The following IFNAR1 variants were observed in gnomAD, a reference collection of about 807,000 sequenced individuals.
The protein encoded by IFNAR1 is interferon alpha/beta receptor 1.
A neutral mutation model predicts 62.1 loss-of-function variants in IFNAR1; 47 were observed. The ratio of observed to expected loss-of-function variants is 0.76; its 90% CI spans 0.60 to 0.97. The LOEUF (loss-of-function observed/expected upper bound fraction) is 0.97, where lower values mean the gene tolerates loss of function less well. Among genes scored for constraint, IFNAR1 ranks in the 50% least tolerant of loss-of-function variants. The pLI is 0.00. For missense variants in IFNAR1, 638 were observed against 654.5 expected (o/e 0.97, Z 0.27); for synonymous variants, 219 against 226.9 (o/e 0.97, Z 0.31).
chr21:33,327,128 A>G lies in IFNAR1; in HGVS notation c.76+1997A>G, dbSNP rs371674982. ...AGTATACTTTTCCTAGGATGTGGGT[A>G]CTAGGGTCCTGGTGCATCCCATAGT... On this transcript the variant is annotated intron_variant, in intron 1 of 10. Transcript: ENST00000270139. Among the ~76,000 whole-genome samples the G allele has an allele frequency of 1.3e-4, 20 of 152,304 alleles. No individual in the cohort carries two copies. The East Asian group carries it at 3.7e-3, about 28-fold the overall frequency.
intron 1 of IFNAR1, chr21:33,335,034 G>T: frequency 7.3e-7 from 1 of 1,373,034 alleles, no homozygotes. Context: ...TATTTGTGAT[G>T]ATGTCACCAC....
At chr21:33,350,248 A>G (rs529997006) in intron 8 of IFNAR1, among the ~76,000 whole-genome samples, 1 of 149,992 alleles carries the variant, frequency 6.7e-6, no homozygotes, top group South Asian at 2.1e-4. Flanking sequence ...ACTAGATGCC[A>G]GTAGTGTTCC....
At chr21:33,324,910 G>GT, upstream of IFNAR1, 5 of 603,318 alleles carry the variant, frequency 8.3e-6, no homozygotes, top group South Asian at 1.9e-5. Context: ...TGTCAGAAGA[G>GT]GCGGCGCGTG....
rs2083470826 is a variant in IFNAR1 at position 33,358,553 on chromosome 21, G to A, written c.*3004G>A. 1 of 151,938 alleles carries A rather than the reference G, an allele frequency of 6.6e-6. No homozygotes were observed. Among genetic ancestry groups the A allele is most frequent in the Non-Finnish European group, 1.5e-5 (1 of 68,000 alleles). 9.4% of individuals were successfully genotyped at this position (151,938 alleles called of 1,614,324 possible). A position where few individuals can be genotyped will look rare whatever the true frequency, so the allele number is the denominator to read the frequency against. On this transcript the variant is annotated 3_prime_UTR_variant, in exon 11 of 11. Coordinates refer to ENST00000270139, the MANE Select transcript of IFNAR1 (RefSeq NM_000629.3). Reference sequence around the variant, plus strand: ...TATATTCATATATGTACCTGCACATGTACCCACCTGATGTAGGTCTTATTC... The same window carrying A: ...TATATTCATATATGTACCTGCACATATACCCACCTGATGTAGGTCTTATTC...
intron 1 of IFNAR1, among the ~76,000 whole-genome samples, chr21:33,331,523 C>T (rs2083180980): frequency 6.6e-6 from 1 of 152,176 alleles, no homozygotes; most frequent in African/African-American, 2.4e-5. Context: ...TTCCCTGGAG[C>T]TGGACTAGTC....
rs2083473238 is a variant in IFNAR1 at position 33,358,802 on chromosome 21, TCAAC to T, written c.*3259_*3262del. 2 of 151,952 alleles carry T rather than the reference TCAAC, an allele frequency of 1.3e-5. No individual in the cohort carries two copies. The highest frequency in any genetic ancestry group is 1.9e-4 in the East Asian group (1 of 5,198). The allele number at this position is 151,952 out of a possible 1,614,324, so 9.4% of individuals were successfully genotyped here. ...ATCACTTCAGGCCAGGAGTTCAAGA[TCAAC>T]CAACCTGGGTAACATGGCCAGACCC... On this transcript the variant is annotated 3_prime_UTR_variant, in exon 11 of 11. Transcript: ENST00000270139.
intron 1 of IFNAR1, among the ~76,000 whole-genome samples, chr21:33,328,610 T>A (rs2083149072): frequency 6.6e-6 from 1 of 152,212 alleles, no homozygotes; most frequent in Non-Finnish European, 1.5e-5. Flanking sequence ...TGTTGCTCAG[T>A]CTTTCAGAAG....
intron 1 of IFNAR1, among the ~76,000 whole-genome samples, chr21:33,333,122 C>A (rs150490221): frequency 2.4e-4 from 36 of 152,326 alleles, no homozygotes; most frequent in African/African-American, 8.4e-4. Flanking sequence ...GGCATCAAGT[C>A]ACATTTAAGA....
chr21:33,326,377 G>A (rs906747980), intron 1 of IFNAR1, among the ~76,000 whole-genome samples: 19 of 151,978 alleles, frequency 1.3e-4, no homozygotes, highest in Non-Finnish European at 2.4e-4. Context: ...GCTATTTTTT[G>A]TATTTCTAGT....
intron 10 of IFNAR1, 21 bp downstream of exon 10, chr21:33,353,804 T>C (rs2083422726): frequency 4.7e-6 from 7 of 1,502,772 alleles, no homozygotes; most frequent in Non-Finnish European, 6.3e-6. Context: ...TTTTTTATTT[T>C]TTTGTCAACA....
chr21:33,333,209 A>G (rs759129311), intron 1 of IFNAR1, among the ~76,000 whole-genome samples: 21 of 152,356 alleles, frequency 1.4e-4, no homozygotes, highest in Middle Eastern at 3.4e-3. Context: ...ATATACTCAA[A>G]CAGCCAAGAA....
intron 6 of IFNAR1, among the ~76,000 whole-genome samples, 192 bp downstream of exon 6, chr21:33,345,552 C>T (rs2083337523): frequency 6.6e-6 from 1 of 152,162 alleles, no homozygotes; most frequent in Non-Finnish European, 1.5e-5. Flanking sequence ...TTGAGCTAAT[C>T]GCTTAACCTC....
At chr21:33,331,275 A>G (rs1393296363) in intron 1 of IFNAR1, among the ~76,000 whole-genome samples, 4 of 152,092 alleles carry the variant, frequency 2.6e-5, no homozygotes, top group African/African-American at 9.7e-5. Flanking sequence ...CCCTGTGCCT[A>G]AGCTGAAGTG....
intron 10 of IFNAR1, among the ~76,000 whole-genome samples, chr21:33,354,759 T>C (rs955137419): frequency 3.3e-5 from 5 of 152,014 alleles, no homozygotes; most frequent in African/African-American, 1.2e-4. Context: ...CCCATAGAGG[T>C]GTTAGGAGCA....
intron 1 of IFNAR1, among the ~76,000 whole-genome samples, chr21:33,327,542 G>A (rs1248789514): frequency 6.6e-6 from 1 of 152,196 alleles, no homozygotes; most frequent in Non-Finnish European, 1.5e-5. Flanking sequence ...TGGACTAATA[G>A]CCTTGGGGCT....
Position 33,325,091 on chromosome 21 carries a change from G to A in IFNAR1, c.36G>A (p.Val12=), listed in dbSNP as rs752922286. The stretch of plus-strand genomic sequence containing the variant: ...TCCTCCTGGGCGCGACGACCCTAGT[G>A]CTCGTCGCCGTGGCGCCATGGGTGT... ...MVVLLGATTL[V]LVAVAPWVLS... The change falls in exon 1 of 11, where the codon GTG becomes GTA. Residue 12 remains valine, a synonymous_variant. Coordinates refer to ENST00000270139, the MANE Select transcript of IFNAR1 (RefSeq NM_000629.3). The A allele has an allele frequency of 7.4e-6, 12 of 1,611,104 alleles. No homozygotes were observed. In the South Asian group the frequency reaches 1.3e-4, roughly 18 times the overall value.
intron 1 of IFNAR1, chr21:33,334,764 A>G: frequency 1.3e-6 from 1 of 786,518 alleles, no homozygotes; most frequent in Non-Finnish European, 2.3e-6. Context: ...GGGCAGCTGG[A>G]TGTCCAGACT....
chr21:33,347,737 C>T (rs1231439224), intron 6 of IFNAR1, among the ~76,000 whole-genome samples: 1 of 152,168 alleles, frequency 6.6e-6, no homozygotes, highest in Non-Finnish European at 1.5e-5. Context: ...ACAGGTCCTG[C>T]CCATGCTCAA....
upstream of IFNAR1, chr21:33,324,809 A>C: frequency 1.8e-6 from 1 of 542,034 alleles, no homozygotes; most frequent in South Asian, 2.4e-5. Context: ...TGCAATTAGG[A>C]TGGGGCAATG....
Sources: gnomAD v4.1 joint callset for allele counts (sites outside exome capture counted in the v4.1 genomes callset) on GRCh38, gnomAD v4.1.1 for gene constraint, MANE v1.5 for transcripts, NCBI Gene and HGNC (gene_info 2026-07-23, HGNC 2026-07-21) for gene names.